Variants in SLC9A9 observed in about 807,000 individuals in gnomAD.
SLC9A9 encodes solute carrier family 9 member A9, also known as sodium/hydrogen exchanger 9.
Under a neutral mutation model 77.8 loss-of-function variants are expected in SLC9A9, and 62 were observed. The observed-to-expected ratio is 0.80, with a 90% confidence interval of 0.65 to 0.98. The LOEUF (loss-of-function observed/expected upper bound fraction) is 0.98. Among genes scored for constraint, SLC9A9 ranks in the 50% least tolerant of loss-of-function variants. The pLI, the probability that SLC9A9 is intolerant of heterozygous loss-of-function variation, is 0.00. For missense variants in SLC9A9, 775 were observed against 774.9 expected, an observed-to-expected ratio of 1.00 and a Z score of 0.00; for synonymous variants, 320 against 283.5, an observed-to-expected ratio of 1.13 and a Z score of -1.29.
At chr3:143,346,496 C>T (rs1020601706) in intron 14 of SLC9A9, among the ~76,000 whole-genome samples, 1 of 151,946 alleles carries the variant, frequency 6.6e-6, no homozygotes, top group African/African-American at 2.4e-5. Context: ...TTTATGAAAC[C>T]TTTGGTTAGG....
At chr3:143,513,732 A>T (rs2036157253) in intron 9 of SLC9A9, among the ~76,000 whole-genome samples, 1 of 152,232 alleles carries the variant, frequency 6.6e-6, no homozygotes, top group Non-Finnish European at 1.5e-5. Flanking sequence ...TGCAGAATGG[A>T]TATTTGTTAG....
intron 6 of SLC9A9, among the ~76,000 whole-genome samples, chr3:143,580,404 CCTT>C (rs2037433074): frequency 6.6e-6 from 1 of 152,192 alleles, no homozygotes; most frequent in Non-Finnish European, 1.5e-5. Context: ...ACGGCTTTAT[CCTT>C]CTCTCCACCT....
intron 4 of SLC9A9, among the ~76,000 whole-genome samples, chr3:143,791,468 C>A (rs1474881926): frequency 3.9e-5 from 6 of 152,166 alleles, no homozygotes; most frequent in Admixed American, 2.0e-4. Flanking sequence ...GTTCCACAAT[C>A]TCTCTCCATG....
chr3:143,647,988 C>T (rs1242075), intron 6 of SLC9A9, among the ~76,000 whole-genome samples: 110,603 of 152,070 alleles, frequency 0.73, 40,567 homozygotes, highest in African/African-American at 0.82. Context: ...TAGAAGCAGA[C>T]TTATCTTTAG....
intron 1 of SLC9A9, among the ~76,000 whole-genome samples, chr3:143,844,066 C>A (rs1021282595): frequency 1.3e-5 from 2 of 151,994 alleles, no homozygotes; most frequent in East Asian, 3.9e-4. Flanking sequence ...ATAAGAAAAA[C>A]CTATTTTTTA....
At chr3:143,405,076 A>AC (rs2033949018) in intron 12 of SLC9A9, among the ~76,000 whole-genome samples, 1 of 152,158 alleles carries the variant, frequency 6.6e-6, no homozygotes, top group Non-Finnish European at 1.5e-5. Context: ...AAGGGGGTGT[A>AC]ACCCAGCACC....
chr3:143,438,174 A>T (rs544339498), intron 12 of SLC9A9, among the ~76,000 whole-genome samples: 36 of 152,342 alleles, frequency 2.4e-4, no homozygotes, highest in African/African-American at 8.4e-4. Flanking sequence ...TACAGGCAAA[A>T]CAATTAACCA....
intron 15 of SLC9A9, among the ~76,000 whole-genome samples, chr3:143,268,078 T>A (rs1251386557): frequency 2.6e-5 from 4 of 152,232 alleles, no homozygotes; most frequent in Non-Finnish European, 5.9e-5. Flanking sequence ...CTTAGGCTTC[T>A]GTGCCCTGAA....
chr3:143,836,954 T>G (rs1559821211), intron 1 of SLC9A9, among the ~76,000 whole-genome samples: 1 of 152,184 alleles, frequency 6.6e-6, no homozygotes, highest in Non-Finnish European at 1.5e-5. Context: ...TACTAAATTT[T>G]TTATATGAAG....
chr3:143,322,211 G>A (rs990194812), intron 14 of SLC9A9, among the ~76,000 whole-genome samples: 2 of 152,184 alleles, frequency 1.3e-5, no homozygotes, highest in African/African-American at 4.8e-5. Flanking sequence ...GTCTGTGAGG[G>A]TGTTTCTGGA....
At chr3:143,706,405 G>A (rs1275853524) in intron 4 of SLC9A9, among the ~76,000 whole-genome samples, 1 of 152,160 alleles carries the variant, frequency 6.6e-6, no homozygotes, top group African/African-American at 2.4e-5. Context: ...GATAAAGCAG[G>A]TGCTCATATC....
At chr3:143,456,312 C>A (rs180697383) in intron 12 of SLC9A9, among the ~76,000 whole-genome samples, 1 of 152,178 alleles carries the variant, frequency 6.6e-6, no homozygotes, top group Admixed American at 6.5e-5. Context: ...GTATTCTGTG[C>A]AAGATTTTTG....
intron 9 of SLC9A9, among the ~76,000 whole-genome samples, chr3:143,525,733 T>C (rs2036392895): frequency 6.6e-6 from 1 of 152,122 alleles, no homozygotes. Context: ...AATGTATGCG[T>C]AAACAGGAAA....
At chr3:143,573,891 G>C (rs1190608398) in intron 8 of SLC9A9, among the ~76,000 whole-genome samples, 197 bp downstream of exon 8, 2 of 152,158 alleles carry the variant, frequency 1.3e-5, no homozygotes, top group Non-Finnish European at 2.9e-5. Context: ...CCATTAAGCT[G>C]TTTGGTACAA....
intron 4 of SLC9A9, among the ~76,000 whole-genome samples, chr3:143,714,382 C>T (rs1934277390): frequency 6.6e-6 from 1 of 152,172 alleles, no homozygotes; most frequent in Non-Finnish European, 1.5e-5. Context: ...TGGACACATC[C>T]CTACCTCCTC....
At chr3:143,825,291 T>C (rs2009270239) in intron 2 of SLC9A9, among the ~76,000 whole-genome samples, 1 of 152,188 alleles carries the variant, frequency 6.6e-6, no homozygotes, top group African/African-American at 2.4e-5. Context: ...GCCCCTGGCC[T>C]TATTGAAGCT....
At chr3:143,752,373 G>A (rs566144385) in intron 4 of SLC9A9, among the ~76,000 whole-genome samples, 11 of 152,278 alleles carry the variant, frequency 7.2e-5, no homozygotes, top group African/African-American at 2.4e-4. Flanking sequence ...AGATGAGACC[G>A]TAAGTTTTAG....
chr3:143,287,602 G>A (rs913026267), intron 14 of SLC9A9, among the ~76,000 whole-genome samples: 5 of 152,160 alleles, frequency 3.3e-5, no homozygotes, highest in African/African-American at 9.7e-5. Context: ...CAATGAAGGA[G>A]CTGACTATAT....
chr3:143,799,980 C>A (rs958241497), intron 2 of SLC9A9, among the ~76,000 whole-genome samples: 1 of 152,180 alleles, frequency 6.6e-6, no homozygotes, highest in Non-Finnish European at 1.5e-5. Flanking sequence ...AACTCTGGTG[C>A]CAACTTAGAC....
Sources: allele counts gnomAD v4.1 joint callset (sites outside exome capture counted in the v4.1 genomes callset), GRCh38; gene constraint gnomAD v4.1.1; transcripts MANE v1.5; gene names NCBI Gene and HGNC (gene_info 2026-07-23, HGNC 2026-07-21).